Variants in ABTB2 observed in about 807,000 individuals in gnomAD.
The protein encoded by ABTB2 is ankyrin repeat and BTB domain containing 2.
Under a neutral mutation model 104.1 loss-of-function variants are expected in ABTB2, and 56 were observed. The ratio of observed to expected loss-of-function variants is 0.54; its 90% CI spans 0.43 to 0.67. The LOEUF (loss-of-function observed/expected upper bound fraction) is 0.67. ABTB2 is among the 30% of genes least tolerant of loss of function. ABTB2 has a pLI of 0.00. For missense variants in ABTB2, 1,279 were observed against 1,407.7 expected (o/e 0.91, Z 1.46); for synonymous variants, 606 against 608.2 (o/e 1.00, Z 0.05).
Position 34,167,291 on chromosome 11 carries a change from C to A in ABTB2, c.1723G>T (p.Ala575Ser), listed in dbSNP as rs1427981385. ...DSRHWTSLTF[A>S]VLHGHISVVQ... is the part of the protein sequence containing the mutation. ...ACAGAGATGTGTCCATGCAGCACAG[C>A]GAATGTCAGTGAGGTCCAGTGCCGG... The change falls in exon 7 of 17, where the codon GCT (alanine) becomes TCT (serine). Residue 575 changes from alanine (A) to serine (S), a missense_variant. By Grantham distance (99) the Ala-to-Ser change is moderately conservative. Coordinates refer to ENST00000435224, the MANE Select transcript of ABTB2 (RefSeq NM_145804.3). The A allele has an allele frequency of 1.9e-6, 3 of 1,612,876 alleles. No individual in the cohort carries two copies. The highest frequency in any genetic ancestry group is 1.7e-6 in the Non-Finnish European group (2 of 1,179,456).
At chr11:34,302,013 T>C (rs1854712896) in intron 1 of ABTB2, among the ~76,000 whole-genome samples, 1 of 152,152 alleles carries the variant, frequency 6.6e-6, no homozygotes, top group African/African-American at 2.4e-5. Flanking sequence ...ACAAACATAA[T>C]ACATGTCAGG....
intron 1 of ABTB2, among the ~76,000 whole-genome samples, chr11:34,323,199 G>C (rs928205899): frequency 1.3e-5 from 2 of 152,126 alleles, no homozygotes; most frequent in Non-Finnish European, 2.9e-5. Context: ...GAGTCACTGC[G>C]CCTGGCCGCA....
chr11:34,267,514 G>A (rs1854265994), intron 1 of ABTB2, among the ~76,000 whole-genome samples: 2 of 152,134 alleles, frequency 1.3e-5, no homozygotes, highest in Non-Finnish European at 2.9e-5. Context: ...TTGTAACACA[G>A]AGAAAAGGCA....
chr11:34,265,107 T>G (rs1854231922), intron 1 of ABTB2, among the ~76,000 whole-genome samples: 1 of 152,192 alleles, frequency 6.6e-6, no homozygotes, highest in Non-Finnish European at 1.5e-5. Flanking sequence ...TGGTCTATCC[T>G]TCCTAAGGAA....
At chr11:34,196,267 C>T (rs1853255264) in intron 3 of ABTB2, among the ~76,000 whole-genome samples, 1 of 152,162 alleles carries the variant, frequency 6.6e-6, no homozygotes, top group Non-Finnish European at 1.5e-5. Flanking sequence ...GAAAAGGTAT[C>T]CTAAGACCGG....
chr11:34,255,565 T>C (rs1854111816), intron 1 of ABTB2, among the ~76,000 whole-genome samples: 1 of 152,160 alleles, frequency 6.6e-6, no homozygotes, highest in Non-Finnish European at 1.5e-5. Flanking sequence ...CAATCTCAGT[T>C]CACTGCAACC....
At position 34,194,392 on chromosome 11, in the gene ABTB2, C is replaced by T. The variant is rs138059057; in HGVS notation, c.1244+2933G>A. On this transcript the variant is annotated intron_variant, in intron 3 of 16. Transcript: ENST00000435224. The stretch of plus-strand genomic sequence containing the variant: ...CCATGCTTCCAGGTGGGACAGAGGA[C>T]GGGGCTTCAGGAGGATGAAGTGGAG... 5.3e-5 allele frequency among the ~76,000 whole-genome samples: 8 copies of T among 152,302 alleles called. No individual in the cohort carries two copies. In the East Asian group the frequency reaches 5.8e-4, roughly 11 times the overall value.
intron 1 of ABTB2, among the ~76,000 whole-genome samples, chr11:34,223,264 G>A (rs1853647935): frequency 1.3e-5 from 2 of 152,134 alleles, no homozygotes; most frequent in African/African-American, 4.8e-5. Context: ...CTGGAGCAGA[G>A]GTGGCAACGT....
intron 1 of ABTB2, among the ~76,000 whole-genome samples, chr11:34,262,919 G>T (rs534218209): frequency 6.6e-6 from 1 of 152,268 alleles, no homozygotes; most frequent in Non-Finnish European, 1.5e-5. Context: ...CAAAGGAGAA[G>T]GACCCGGCAA....
intron 1 of ABTB2, among the ~76,000 whole-genome samples, chr11:34,281,060 T>C (rs530544370): frequency 6.2e-4 from 94 of 152,120 alleles, no homozygotes; most frequent in Middle Eastern, 3.4e-3. Flanking sequence ...GCCCAGAACA[T>C]ACTGGGCCAA....
At chr11:34,254,741 G>A (rs1185222755) in intron 1 of ABTB2, among the ~76,000 whole-genome samples, 1 of 141,948 alleles carries the variant, frequency 7.0e-6, no homozygotes, top group Non-Finnish European at 1.5e-5. Flanking sequence ...GTATGATCTC[G>A]GCTCACTGCA....
chr11:34,320,547 T>G (rs1854986962), intron 1 of ABTB2, among the ~76,000 whole-genome samples: 1 of 152,236 alleles, frequency 6.6e-6, no homozygotes, highest in Non-Finnish European at 1.5e-5. Flanking sequence ...CTCACCACAG[T>G]AGAATTTCTT....
At chr11:34,272,734 AACC>A (rs1245365223) in intron 1 of ABTB2, among the ~76,000 whole-genome samples, 39 of 146,854 alleles carry the variant, frequency 2.7e-4, no homozygotes, top group African/African-American at 4.6e-4. Context: ...AAAAAAAACC[AACC>A]AACCATACAC....
At chr11:34,280,015 C>A (rs548335683) in intron 1 of ABTB2, among the ~76,000 whole-genome samples, 55 of 152,206 alleles carry the variant, frequency 3.6e-4, no homozygotes, top group African/African-American at 1.3e-3. Flanking sequence ...AAGTGATCCA[C>A]CTGACTCAGC....
intron 3 of ABTB2, among the ~76,000 whole-genome samples, chr11:34,181,675 C>T (rs1196229265): frequency 1.3e-5 from 2 of 152,190 alleles, no homozygotes; most frequent in African/African-American, 2.4e-5. Context: ...GAGCATACAA[C>T]GTTCTGGGGT....
chr11:34,152,011 G>A lies in ABTB2; in HGVS notation c.*376C>T, dbSNP rs543895308. On this transcript the variant is annotated 3_prime_UTR_variant, in exon 17 of 17. Coordinates refer to ENST00000435224, the MANE Select transcript of ABTB2 (RefSeq NM_145804.3). ...TACCCCCAGGAGCCCCAGTTGGGAT[G>A]GTCTGAGTTTACTGAGGCCCTAGGG... The A allele has an allele frequency of 3.9e-6, 1 of 255,006 alleles. No individual in the cohort carries two copies. The highest frequency in any genetic ancestry group is 5.9e-5 in the South Asian group (1 of 16,832). 15.8% of individuals were successfully genotyped at this position (255,006 alleles called of 1,614,324 possible).
chr11:34,169,580 C>T (rs2957528), intron 5 of ABTB2, among the ~76,000 whole-genome samples: 2,048 of 152,216 alleles, frequency 0.013, 38 homozygotes, highest in African/African-American at 0.047. Flanking sequence ...CGGGCTTCCA[C>T]ACTGTGCTGT....
chr11:34,193,977 T>C lies in ABTB2; in HGVS notation c.1244+3348A>G, dbSNP rs142772720. Among the ~76,000 whole-genome samples, 723 of 152,210 alleles carry C rather than the reference T, an allele frequency of 4.8e-3. 6 individuals are homozygous for C. The highest frequency in any genetic ancestry group is 0.017 in the African/African-American group (694 of 41,534). Reference sequence around the variant, plus strand: ...AGGCCCCTTACGGAAAGATGTGAAGTCCCCACCAAACACTGCAGAAGCAGC... The same window carrying C: ...AGGCCCCTTACGGAAAGATGTGAAGCCCCCACCAAACACTGCAGAAGCAGC... On this transcript the variant is annotated intron_variant, in intron 3 of 16. Coordinates refer to ENST00000435224, the MANE Select transcript of ABTB2 (RefSeq NM_145804.3).
chr11:34,160,443 G>A, intron 11 of ABTB2, 90 bp from the exon 12 acceptor site: 6 of 919,636 alleles, frequency 6.5e-6, no homozygotes, highest in Non-Finnish European at 8.8e-6. Flanking sequence ...CAAAAGTCCA[G>A]GCCAGGAGTA....
Sources: allele counts gnomAD v4.1 joint callset (sites outside exome capture counted in the v4.1 genomes callset), GRCh38; gene constraint gnomAD v4.1.1; transcripts MANE v1.5; gene names NCBI Gene and HGNC (gene_info 2026-07-23, HGNC 2026-07-21).